Variants in GMDS observed in about 807,000 individuals in gnomAD.
GMDS encodes the protein GDP-mannose 4,6-dehydratase, also known as GDP-mannose 4,6 dehydratase.
In GMDS, 20 loss-of-function variants were observed where a neutral mutation model predicts 49.9. The observed-to-expected ratio is 0.40, with a 90% CI of 0.28 to 0.58. The LOEUF (loss-of-function observed/expected upper bound fraction) is 0.58, where lower values mean the gene tolerates loss of function less well. Among genes scored for constraint, GMDS ranks in the 20% least tolerant of loss-of-function variants. The pLI, the probability that GMDS is intolerant of heterozygous loss-of-function variation, is 0.42. For synonymous variants in GMDS, 177 were observed against 178.6 expected (o/e 0.99, Z 0.07); for missense variants, 362 against 481.4 (o/e 0.75, Z 2.32).
chr6:2,032,692 G>C (rs1211742774), intron 4 of GMDS, among the ~76,000 whole-genome samples: 1 of 152,136 alleles, frequency 6.6e-6, no homozygotes, highest in Non-Finnish European at 1.5e-5. Flanking sequence ...AAGGTAATTT[G>C]CTTACAAGGA....
At chr6:2,078,172 G>C (rs1025478158) in intron 4 of GMDS, among the ~76,000 whole-genome samples, 2 of 151,776 alleles carry the variant, frequency 1.3e-5, no homozygotes, top group Non-Finnish European at 2.9e-5. Flanking sequence ...CCTTTTCTTG[G>C]TTAGTCAAGC....
Position 2,068,620 on chromosome 6 carries a change from C to T in GMDS, c.345+47151G>A, listed in dbSNP as rs1375194535. ...AATCACAAGCATTCTTATACACCAA[C>T]AACAGACAAACAGAGAGCCAAATCA... On this transcript the variant is annotated intron_variant, in intron 4 of 10. Transcript: ENST00000380815. 1.4e-4 allele frequency among the ~76,000 whole-genome samples: 21 copies of T among 152,004 alleles called. 1 individual carries two copies. Among genetic ancestry groups the T allele is most frequent in the African/African-American group, 4.8e-4 (20 of 41,450 alleles).
intron 6 of GMDS, among the ~76,000 whole-genome samples, chr6:1,958,242 A>C (rs1581420997): frequency 6.6e-6 from 1 of 151,970 alleles, no homozygotes; most frequent in Non-Finnish European, 1.5e-5. Context: ...TTACTTTGCA[A>C]CCCAGGAATG....
intron 9 of GMDS, among the ~76,000 whole-genome samples, chr6:1,659,224 T>C (rs925499457): frequency 6.6e-6 from 1 of 151,614 alleles, no homozygotes; most frequent in African/African-American, 2.4e-5. Flanking sequence ...TTTTTTTTTT[T>C]AAACATCACT....
intron 9 of GMDS, among the ~76,000 whole-genome samples, chr6:1,652,428 AATATATTATATATATTTATATATTATT>A (rs1561700668): frequency 3.8e-4 from 8 of 21,284 alleles, no homozygotes; most frequent in Non-Finnish European, 6.8e-4. Context: ...ATATATATAT[AATATATTATATATATTTATATATTATT>A]TATATATAAT....
chr6:1,786,200 T>A (rs1291072195), intron 7 of GMDS, among the ~76,000 whole-genome samples: 1 of 152,224 alleles, frequency 6.6e-6, no homozygotes, highest in Admixed American at 6.5e-5. Context: ...AAATGTTTTA[T>A]CATTTACAGT....
chr6:2,190,816 G>A (rs551670106), intron 1 of GMDS, among the ~76,000 whole-genome samples: 1 of 152,282 alleles, frequency 6.6e-6, no homozygotes, highest in Admixed American at 6.5e-5. Context: ...GCGGGAGGCG[G>A]CAGCAGGAGC....
At chr6:2,079,017 G>GTA (rs1188500497) in intron 4 of GMDS, among the ~76,000 whole-genome samples, 31 of 23,230 alleles carry the variant, frequency 1.3e-3, no homozygotes, top group Admixed American at 2.7e-3. Context: ...TAATGACCTT[G>GTA]TCTTTTTTTT....
chr6:1,868,272 A>C (rs1758539244), intron 7 of GMDS, among the ~76,000 whole-genome samples: 1 of 152,130 alleles, frequency 6.6e-6, no homozygotes, highest in South Asian at 2.1e-4. Context: ...GGCGTGATCC[A>C]CCGCACCCGG....
intron 4 of GMDS, among the ~76,000 whole-genome samples, chr6:2,105,736 A>G (rs1774206550): frequency 6.6e-6 from 1 of 152,220 alleles, no homozygotes; most frequent in South Asian, 2.1e-4. Context: ...AAATATATGG[A>G]ATGGGAGTAG....
chr6:1,713,217 T>C (rs568916292), intron 9 of GMDS, among the ~76,000 whole-genome samples: 13 of 152,366 alleles, frequency 8.5e-5, no homozygotes, highest in Non-Finnish European at 1.5e-4. Context: ...GTATGCCAAG[T>C]CAAACCACCA....
chr6:2,109,392 G>A (rs529371219), intron 4 of GMDS, among the ~76,000 whole-genome samples: 1 of 152,198 alleles, frequency 6.6e-6, no homozygotes, highest in Non-Finnish European at 1.5e-5. Flanking sequence ...GAGACAAGTA[G>A]ATATCTAGGG....
intron 8 of GMDS, among the ~76,000 whole-genome samples, chr6:1,742,026 G>A (rs1230635880): frequency 1.3e-5 from 2 of 151,068 alleles, no homozygotes; most frequent in South Asian, 2.1e-4. Flanking sequence ...GGTTCAAGCG[G>A]TTCTCTTTCC....
chr6:1,845,956 G>A (rs1757387789), intron 7 of GMDS, among the ~76,000 whole-genome samples: 1 of 152,110 alleles, frequency 6.6e-6, no homozygotes, highest in Non-Finnish European at 1.5e-5. Flanking sequence ...TCAGGCATGA[G>A]GACATAGTGG....
chr6:1,859,887 A>C (rs958317180), intron 7 of GMDS, among the ~76,000 whole-genome samples: 21 of 152,262 alleles, frequency 1.4e-4, no homozygotes, highest in Non-Finnish European at 2.9e-5. Context: ...AAACATATTC[A>C]GTCCTTATTT....
intron 4 of GMDS, among the ~76,000 whole-genome samples, chr6:2,081,293 G>A (rs1393908643): frequency 6.6e-6 from 1 of 152,172 alleles, no homozygotes; most frequent in Non-Finnish European, 1.5e-5. Flanking sequence ...CAAAGAGTCT[G>A]CACACTGCTA....
chr6:1,997,980 A>G (rs1387244092), intron 4 of GMDS, among the ~76,000 whole-genome samples: 1 of 152,178 alleles, frequency 6.6e-6, no homozygotes, highest in African/African-American at 2.4e-5. Flanking sequence ...CAAGAAGCCT[A>G]TGAAGAAGGA....
chr6:2,044,407 G>A (rs1346359876), intron 4 of GMDS, among the ~76,000 whole-genome samples: 1 of 152,122 alleles, frequency 6.6e-6, no homozygotes, highest in African/African-American at 2.4e-5. Context: ...TCATATTCTT[G>A]GTGGGGACAT....
At chr6:1,781,420 G>T (rs1387486675) in intron 7 of GMDS, among the ~76,000 whole-genome samples, 1 of 152,210 alleles carries the variant, frequency 6.6e-6, no homozygotes, top group Admixed American at 6.5e-5. Context: ...GCTACTCTGG[G>T]CCCTGGCCTG....
Sources: allele counts gnomAD v4.1 joint callset (sites outside exome capture counted in the v4.1 genomes callset), GRCh38; gene constraint gnomAD v4.1.1; transcripts MANE v1.5; gene names NCBI Gene and HGNC (gene_info 2026-07-23, HGNC 2026-07-21).